Variants in ARHGAP12 observed in about 807,000 individuals in gnomAD.
ARHGAP12 encodes Rho GTPase activating protein 12.
ARHGAP12 carries 64 observed loss-of-function variants against 108.6 expected under a neutral mutation model. The observed-to-expected ratio is 0.59, with a 90% confidence interval of 0.48 to 0.73. ARHGAP12 has a LOEUF of 0.73. Among genes scored for constraint, ARHGAP12 ranks in the 30% least tolerant of loss-of-function variants. ARHGAP12 has a pLI of 0.00. For synonymous variants in ARHGAP12, 312 were observed against 337.2 expected, an observed-to-expected ratio of 0.93 and a Z score of 0.82; for missense variants, 940 against 1,005.9, an observed-to-expected ratio of 0.93 and a Z score of 0.89.
intron 1 of ARHGAP12, among the ~76,000 whole-genome samples, chr10:31,912,743 G>A (rs551645628): frequency 4.6e-5 from 7 of 152,216 alleles, no homozygotes; most frequent in Middle Eastern, 6.8e-3. Flanking sequence ...AGTCAATACC[G>A]GGGTGAAGGG....
intron 1 of ARHGAP12, among the ~76,000 whole-genome samples, chr10:31,916,744 G>T (rs1049666363): frequency 1.3e-5 from 2 of 152,040 alleles, no homozygotes; most frequent in Admixed American, 6.5e-5. Flanking sequence ...AGCCTCCCAA[G>T]CAGCTGGGAC....
At chr10:31,883,187 C>G (rs1459630697) in intron 3 of ARHGAP12, among the ~76,000 whole-genome samples, 1 of 151,604 alleles carries the variant, frequency 6.6e-6, no homozygotes, top group Non-Finnish European at 1.5e-5. Context: ...CCCAGCTACT[C>G]CGGAGGCTGA....
At position 31,865,795 on chromosome 10, in the gene ARHGAP12, G is replaced by C. The variant is rs143362007; in HGVS notation, c.685-4137C>G. 1.1e-3 allele frequency among the ~76,000 whole-genome samples: 163 copies of C among 151,494 alleles called. 5 individuals carry two copies. The East Asian group carries it at 0.028, about 26-fold the overall frequency. Reference sequence around the variant, plus strand: ...CGGGAGGCTGAGGCAGGAGAATGGCGTGAACCCAGGAGGCAGAGCTTGCAG... The same window carrying C: ...CGGGAGGCTGAGGCAGGAGAATGGCCTGAACCCAGGAGGCAGAGCTTGCAG... On this transcript the variant is annotated intron_variant, in intron 3 of 19. Coordinates refer to ENST00000344936, the MANE Select transcript of ARHGAP12 (RefSeq NM_018287.7).
chr10:31,888,915 CT>C (rs35366983), intron 3 of ARHGAP12, among the ~76,000 whole-genome samples: 49 of 146,846 alleles, frequency 3.3e-4, no homozygotes, highest in Admixed American at 3.4e-4. Flanking sequence ...CATAAGAGGA[CT>C]TTTTTTTTTT....
At chr10:31,839,485 G>T in intron 8 of ARHGAP12, 152 bp downstream of exon 8, 1 of 1,079,376 alleles carries the variant, frequency 9.3e-7, no homozygotes, top group Non-Finnish European at 1.3e-6. Flanking sequence ...AATAAAATCT[G>T]ATTGTTAAAC....
At chr10:31,883,535 T>C (rs907002073) in intron 3 of ARHGAP12, among the ~76,000 whole-genome samples, 3 of 152,170 alleles carry the variant, frequency 2.0e-5, no homozygotes, top group Non-Finnish European at 4.4e-5. Context: ...CACAAAAATA[T>C]TTAAAACAGT....
intron 3 of ARHGAP12, among the ~76,000 whole-genome samples, chr10:31,872,467 G>T (rs1015492999): frequency 6.6e-6 from 1 of 152,052 alleles, no homozygotes; most frequent in African/African-American, 2.4e-5. Flanking sequence ...TCCTCAAGCA[G>T]CTATCTCTCA....
intron 4 of ARHGAP12, among the ~76,000 whole-genome samples, chr10:31,860,330 A>ATG (rs984697527): frequency 1.2e-4 from 19 of 152,198 alleles, no homozygotes; most frequent in African/African-American, 1.7e-4. Flanking sequence ...TAACAGCCGG[A>ATG]TGTCCTATGC....
At chr10:31,865,181 T>C (rs1389353872) in intron 3 of ARHGAP12, among the ~76,000 whole-genome samples, 1 of 152,174 alleles carries the variant, frequency 6.6e-6, no homozygotes, top group Non-Finnish European at 1.5e-5. Flanking sequence ...AGGAAACTAC[T>C]GAAGATTAAG....
rs759168129 is a variant in ARHGAP12, at chr10:31,843,472, T to C, written c.1285A>G (p.Thr429Ala). ...CTCAACAGTCCTACCTTATCATTAGTGTCCAATACAATGGTGCTATGTCTC... is the reference window on the plus strand; with the variant it reads ...CTCAACAGTCCTACCTTATCATTAGCGTCCAATACAATGGTGCTATGTCTC... ...KWRHSTIVLD[T>A]NDKESPTASK... is the part of the protein sequence containing the mutation. The change falls in exon 7 of 20, where the codon ACT becomes GCT. Residue 429 changes from threonine to alanine, a missense_variant. By Grantham distance (58) the Thr-to-Ala change is moderately conservative (BLOSUM62 0). Coordinates refer to ENST00000344936, the MANE Select transcript of ARHGAP12 (RefSeq NM_018287.7). 2 of 1,612,370 alleles carry C rather than the reference T, an allele frequency of 1.2e-6. No homozygotes were observed. The highest frequency in any genetic ancestry group is 1.1e-5 in the South Asian group (1 of 90,700).
chr10:31,910,770 C>T (rs1010871427), intron 1 of ARHGAP12, among the ~76,000 whole-genome samples: 10 of 152,206 alleles, frequency 6.6e-5, no homozygotes, highest in African/African-American at 2.4e-4. Context: ...GGCTTTACCA[C>T]TGCCCTCTCC....
intron 3 of ARHGAP12, among the ~76,000 whole-genome samples, chr10:31,874,647 T>TA (rs1837657323): frequency 6.6e-6 from 1 of 151,928 alleles, no homozygotes; most frequent in Non-Finnish European, 1.5e-5. Flanking sequence ...AATAGGTAGT[T>TA]AGACACACAT....
At chr10:31,849,559 C>T (rs185046210) in intron 6 of ARHGAP12, among the ~76,000 whole-genome samples, 19 of 152,266 alleles carry the variant, frequency 1.2e-4, no homozygotes, top group Admixed American at 9.2e-4. Context: ...CTTAAGAGTG[C>T]AGAATGTAAC....
intron 15 of ARHGAP12, among the ~76,000 whole-genome samples, chr10:31,811,635 C>CT (rs749133174): frequency 2.0e-5 from 3 of 150,534 alleles, no homozygotes; most frequent in Non-Finnish European, 4.4e-5. Context: ...AATTAATCAG[C>CT]TAGTCTCTTC....
intron 3 of ARHGAP12, among the ~76,000 whole-genome samples, chr10:31,902,109 G>T (rs915099026): frequency 6.6e-6 from 1 of 152,042 alleles, no homozygotes. Flanking sequence ...TAAAGTGAGA[G>T]AAATCAGTTT....
chr10:31,817,647 C>T (rs2778651), intron 13 of ARHGAP12, 141 bp downstream of exon 13: 252,595 of 539,182 alleles, frequency 0.47, 60,963 homozygotes, highest in Middle Eastern at 0.55. Context: ...GCTAAATTGA[C>T]CATTGTTTTT....
Position 31,908,455 on chromosome 10 carries a change from T to G in ARHGAP12, c.401A>C (p.Gln134Pro). ...QGTGLIRDAN[Q>P]NFGPSYNQGQ... ...TTGATTATAACTGGGTCCAAAATTCTGATTGGCATCACGAATAAGACCTGT... is the reference window on the plus strand; with the variant it reads ...TTGATTATAACTGGGTCCAAAATTCGGATTGGCATCACGAATAAGACCTGT... Residue 134 changes from glutamine to proline, a missense_variant, in exon 3 of 20, where the codon CAG (glutamine) becomes CCG (proline). Coordinates refer to ENST00000344936, the MANE Select transcript of ARHGAP12 (RefSeq NM_018287.7). 1 of 1,614,250 alleles carries G rather than the reference T, an allele frequency of 6.2e-7. No individual in the cohort carries two copies. Among genetic ancestry groups the G allele is most frequent in the Non-Finnish European group, 8.5e-7 (1 of 1,180,040 alleles).
intron 13 of ARHGAP12, among the ~76,000 whole-genome samples, chr10:31,817,409 C>T (rs528602418): frequency 4.4e-4 from 67 of 152,282 alleles, no homozygotes; most frequent in Middle Eastern, 3.4e-3. Flanking sequence ...AATGAAGAGA[C>T]TACAGCTTCT....
At chr10:31,856,543 G>A (rs574443922) in intron 4 of ARHGAP12, among the ~76,000 whole-genome samples, 19 of 152,260 alleles carry the variant, frequency 1.2e-4, no homozygotes, top group African/African-American at 4.3e-4. Flanking sequence ...GGACTTTCTA[G>A]CCACAAGAGT....
Sources: gnomAD v4.1 joint callset for allele counts (sites outside exome capture counted in the v4.1 genomes callset) on GRCh38, gnomAD v4.1.1 for gene constraint, MANE v1.5 for transcripts, NCBI Gene and HGNC (gene_info 2026-07-23, HGNC 2026-07-21) for gene names.